The following ZNF337 variants were observed in gnomAD, a reference collection of about 807,000 sequenced individuals.
The protein encoded by ZNF337 is zinc finger protein 337.
ZNF337 carries 8 observed loss-of-function variants against 12.1 expected under a neutral mutation model. The ratio of observed to expected loss-of-function variants is 0.66; its 90% CI spans 0.39 to 1.19. The LOEUF (loss-of-function observed/expected upper bound fraction) is 1.19. Among genes scored for constraint, ZNF337 ranks in the 50% most tolerant of loss-of-function variants. ZNF337 has a pLI of 0.01. For synonymous variants in ZNF337, 336 were observed against 320.0 expected (o/e 1.05, Z -0.53); for missense variants, 882 against 896.6 (o/e 0.98, Z 0.21).
rs955735103 is a variant in ZNF337, at chr20:25,684,568, G to A, written c.250+999C>T. ...CAACCATTGTGGAAGACAGTGTGGC[G>A]ATTCCTCAAGGATCTAGAACTAGAA... On this transcript the variant is annotated intron_variant, in intron 4 of 4. Coordinates refer to ENST00000252979, the MANE Select transcript of ZNF337 (RefSeq NM_015655.4). 3.3e-5 allele frequency among the ~76,000 whole-genome samples: 5 copies of A among 152,070 alleles called. No homozygotes were observed. In the East Asian group the frequency reaches 5.8e-4, roughly 18 times the overall value.
chr20:25,675,689 T>C lies in ZNF337; in HGVS notation c.1599A>G (p.Ile533Met), dbSNP rs1417833896. ...RGFTLKPNLT[I>M]HQRTHSGEKP... The stretch of plus-strand genomic sequence containing the variant: ...TCTCTCCTGAGTGTGTCCTCTGATG[T>C]ATGGTGAGATTTGGCTTCAAGGTAA... Residue 533 changes from isoleucine to methionine, a missense_variant, in exon 5 of 5, where the codon ATA (isoleucine) becomes ATG (methionine). Transcript: ENST00000252979. 5.0e-6 allele frequency: 8 copies of C among 1,613,562 alleles called. No individual in the cohort carries two copies. The Admixed American group carries it at 1.3e-4, about 27-fold the overall frequency.
chr20:25,687,611 C>A (rs747105711), intron 1 of ZNF337, among the ~76,000 whole-genome samples: 6 of 152,104 alleles, frequency 3.9e-5, no homozygotes. Context: ...ACTAGGGACC[C>A]CAGTCCACTC....
At position 25,686,445 on chromosome 20, in the gene ZNF337, G is replaced by T; in HGVS notation, c.-28C>A. 1 of 1,613,604 alleles carries T rather than the reference G, an allele frequency of 6.2e-7. No homozygotes were observed. The highest frequency in any genetic ancestry group is 8.5e-7 in the Non-Finnish European group (1 of 1,179,766). On this transcript the variant is annotated 5_prime_UTR_variant, in exon 2 of 5. Transcript: ENST00000252979. The stretch of plus-strand genomic sequence containing the variant: ...CTGTCTTCCTGCTCTCCACGGAGAA[G>T]GGAAGCTTGCAGATGGCCAATCTGT...
chr20:25,689,243 G>A (rs1009378644), intron 1 of ZNF337, among the ~76,000 whole-genome samples: 2 of 152,068 alleles, frequency 1.3e-5, no homozygotes, highest in African/African-American at 4.8e-5. Flanking sequence ...GGCAGAGCTT[G>A]CAGTGAGCGG....
At chr20:25,685,261 T>C (rs998254541) in intron 4 of ZNF337, among the ~76,000 whole-genome samples, 2 of 152,122 alleles carry the variant, frequency 1.3e-5, no homozygotes, top group Non-Finnish European at 2.9e-5. Flanking sequence ...ACCTGGACAG[T>C]ATCAGGAAGG....
chr20:25,692,836 A>G (rs2065892512), intron 1 of ZNF337, among the ~76,000 whole-genome samples: 2 of 152,230 alleles, frequency 1.3e-5, no homozygotes, highest in Non-Finnish European at 2.9e-5. Context: ...TATTTCATTA[A>G]AATTCTCCTA....
Position 25,676,785 on chromosome 20 carries a change from A to G in ZNF337, c.503T>C (p.Val168Ala). ...TCTTGAATTTTCTATTCCTTTCAAT[A>G]CTTTGTCTATTTCTGTAGGATTTTC... ...QRENPTEIDK[V>A]LKGIENSRWG... is the part of the protein sequence containing the mutation. Residue 168 changes from valine to alanine, a missense_variant, in exon 5 of 5, where the codon GTA (valine) becomes GCA (alanine). Val to Ala is a moderately conservative substitution (Grantham distance 64). Coordinates refer to ENST00000252979, the MANE Select transcript of ZNF337 (RefSeq NM_015655.4). 6.2e-7 allele frequency: 1 copy of G among 1,614,080 alleles called. No individual in the cohort carries two copies. The highest frequency in any genetic ancestry group is 2.2e-5 in the East Asian group (1 of 44,880).
intron 1 of ZNF337, among the ~76,000 whole-genome samples, chr20:25,691,588 C>T (rs1269901724): frequency 6.6e-6 from 1 of 152,134 alleles, no homozygotes; most frequent in Non-Finnish European, 1.5e-5. Flanking sequence ...AAGCTGTCAC[C>T]ATAGACTGAG....
At chr20:25,683,290 C>T (rs112760220) in intron 4 of ZNF337, among the ~76,000 whole-genome samples, 3,455 of 151,986 alleles carry the variant, frequency 0.023, 121 homozygotes, top group African/African-American at 0.078. Context: ...TGAACCACTG[C>T]GGTGACTACA....
At position 25,685,679 on chromosome 20, in the gene ZNF337, A is replaced by G. The variant is rs1569013252; in HGVS notation, c.155-17T>C. ...GGAGAATTCCTGCTCACAGGGAAAA[A>G]AACCATGAGGTGACTCCTGGTTGTA... is the stretch of plus-strand genomic sequence containing the variant. On this transcript the variant is annotated splice_polypyrimidine_tract_variant and intron_variant, in intron 3 of 4. Transcript: ENST00000252979. 6.2e-7 allele frequency: 1 copy of G among 1,610,976 alleles called. No homozygotes were observed. The highest frequency in any genetic ancestry group is 2.2e-5 in the East Asian group (1 of 44,844).
rs147339647 is a variant in ZNF337, at chr20:25,676,476, C to T, written c.812G>A (p.Arg271Gln). ...GAGGTATGACTTACTGGTATAGCCTCGTCCACACACCTTGCACAGAAAAGG... is the reference window on the plus strand; with the variant it reads ...GAGGTATGACTTACTGGTATAGCCTTGTCCACACACCTTGCACAGAAAAGG... ...EKPFLCKVCG[R>Q]GYTSKSYLTV... is the part of the protein sequence containing the mutation. Residue 271 changes from arginine to glutamine, a missense_variant, in exon 5 of 5, where the codon CGA becomes CAA. Arg to Gln is a conservative substitution (Grantham distance 43). Coordinates refer to ENST00000252979, the MANE Select transcript of ZNF337 (RefSeq NM_015655.4). 479 of 1,613,394 alleles carry T rather than the reference C, an allele frequency of 3.0e-4. 5 individuals carry two copies. In the East Asian group the frequency reaches 8.9e-3, roughly 30 times the overall value.
At chr20:25,678,772 C>CTGGGCAA (rs2065735366) in intron 4 of ZNF337, among the ~76,000 whole-genome samples, 1 of 151,756 alleles carries the variant, frequency 6.6e-6, no homozygotes, top group East Asian at 1.9e-4. Context: ...ACGATGAGAC[C>CTGGGCAA]CCATCATTAC....
At chr20:25,678,176 T>C (rs1228661146) in intron 4 of ZNF337, 1 of 152,070 alleles carries the variant, frequency 6.6e-6, no homozygotes, top group African/African-American at 2.4e-5. Context: ...TTCGAACTGA[T>C]GAATGATGTC....
chr20:25,684,375 AT>A (rs1215643709), intron 4 of ZNF337, among the ~76,000 whole-genome samples: 1 of 152,056 alleles, frequency 6.6e-6, no homozygotes, highest in East Asian at 1.9e-4. Context: ...TAAATAAAAA[AT>A]ATTAAAAAAA....
rs1796805133 is a variant in ZNF337, at chr20:25,674,114, TAC to T, written c.*916_*917del. 1 of 152,228 alleles carries T rather than the reference TAC, an allele frequency of 6.6e-6. No homozygotes were observed. Among genetic ancestry groups the T allele is most frequent in the African/African-American group, 2.4e-5 (1 of 41,464 alleles). The allele number at this position is 152,228 out of a possible 1,614,324, so 9.4% of individuals were successfully genotyped here. On this transcript the variant is annotated 3_prime_UTR_variant, in exon 5 of 5. Coordinates refer to ENST00000252979, the MANE Select transcript of ZNF337 (RefSeq NM_015655.4). Reference sequence around the variant, plus strand: ...GCAAAGACCAATATGGGACTGCATATACAGAGATTTTATTTCCAGATATGACT... The same window carrying T: ...GCAAAGACCAATATGGGACTGCATATAGAGATTTTATTTCCAGATATGACT...
chr20:25,696,086 A>T (rs2065923831), intron 1 of ZNF337, among the ~76,000 whole-genome samples: 2 of 60,346 alleles, frequency 3.3e-5, no homozygotes, highest in South Asian at 6.5e-4. Context: ...CCCCACGCAG[A>T]TCCCCCCCCC....
Position 25,676,174 on chromosome 20 carries a change from CTGAG to C in ZNF337, c.1110_1113del (p.His370GlnfsTer17). On this transcript the variant is annotated frameshift_variant, in exon 5 of 5. Coordinates refer to ENST00000252979, the MANE Select transcript of ZNF337 (RefSeq NM_015655.4). LOFTEE classifies it low-confidence loss of function (END_TRUNC). ...TGCCTGCACGCAAAGGGCTTCTCCC[CTGAG>C]TGTGTCCTCTGGTGTGTGATAAGGT... The C allele has an allele frequency of 6.2e-7, 1 of 1,613,988 alleles. No individual in the cohort carries two copies. The highest frequency in any genetic ancestry group is 2.2e-5 in the East Asian group (1 of 44,860).
intron 3 of ZNF337, among the ~76,000 whole-genome samples, 164 bp from the exon 4 acceptor site, chr20:25,685,826 T>G (rs570738867): frequency 6.6e-6 from 1 of 152,116 alleles, no homozygotes; most frequent in Admixed American, 6.5e-5. Context: ...GGAGCCCCAG[T>G]GTGGGGAAAG....
Position 25,673,272 on chromosome 20 carries a change from G to C in ZNF337, c.*1760C>G, listed in dbSNP as rs1391847587. The stretch of plus-strand genomic sequence containing the variant: ...CACAATGTGCAGTGAAACTCAAAAT[G>C]AGTATGAGGAAAGTTATGGAAGTTG... On this transcript the variant is annotated 3_prime_UTR_variant, in exon 5 of 5. Coordinates refer to ENST00000252979, the MANE Select transcript of ZNF337 (RefSeq NM_015655.4). 1.3e-5 allele frequency among the ~76,000 whole-genome samples: 2 copies of C among 152,160 alleles called. No individual in the cohort carries two copies. The highest frequency in any genetic ancestry group is 4.8e-5 in the African/African-American group (2 of 41,428).
Sources: allele counts gnomAD v4.1 joint callset (sites outside exome capture counted in the v4.1 genomes callset), GRCh38; gene constraint gnomAD v4.1.1; transcripts MANE v1.5; gene names NCBI Gene and HGNC (gene_info 2026-07-23, HGNC 2026-07-21).